MME: variants seen among roughly 807,000 people sequenced by gnomAD.
The protein encoded by MME is membrane metalloendopeptidase, also known as neprilysin.
In MME, 98 loss-of-function variants were observed where a neutral mutation model predicts 113.2. The ratio of observed to expected loss-of-function variants is 0.87; its 90% CI spans 0.74 to 1.02. The LOEUF is 1.02. Ranked by LOEUF, MME falls within the 50% of genes least tolerant of loss-of-function variation. The probability of loss-of-function intolerance (pLI) is 0.00; values close to 1 mark genes in which losing one functional copy is unlikely to be tolerated. For synonymous variants in MME, 292 were observed against 300.6 expected, an observed-to-expected ratio of 0.97 and a Z score of 0.30; for missense variants, 836 against 896.0, an observed-to-expected ratio of 0.93 and a Z score of 0.86.
intron 8 of MME, among the ~76,000 whole-genome samples, chr3:155,125,309 C>G (rs1266514854): frequency 2.6e-5 from 2 of 78,154 alleles, no homozygotes; most frequent in African/African-American, 6.7e-5. Context: ...TGGCCTGCGC[C>G]CACTGTCTGG....
intron 1 of MME, among the ~76,000 whole-genome samples, chr3:155,048,484 G>A (rs1713642679): frequency 1.3e-5 from 2 of 151,998 alleles, no homozygotes; most frequent in South Asian, 4.1e-4. Context: ...TGAGATTTTG[G>A]CATTTGTTTA....
At chr3:155,129,072 A>C (rs918061065) in intron 8 of MME, among the ~76,000 whole-genome samples, 1 of 152,178 alleles carries the variant, frequency 6.6e-6, no homozygotes, top group East Asian at 1.9e-4. Flanking sequence ...ACATTATTTT[A>C]TTGGAAATAA....
Position 155,118,828 on chromosome 3 carries a change from T to A in MME, c.720+17T>A, listed in dbSNP as rs201931193. The A allele has an allele frequency of 1.4e-6, 2 of 1,477,772 alleles. No individual in the cohort carries two copies. The highest frequency in any genetic ancestry group is 9.4e-7 in the Non-Finnish European group (1 of 1,064,756). 91.5% of individuals were successfully genotyped at this position (1,477,772 alleles called of 1,614,324 possible). ...TATAAAGAGGTAAAAAGAAAAAAAA[T>A]AATCAAAACCAAACTACAAAATGAT... On this transcript the variant is annotated intron_variant, in intron 8 of 22. Transcript: ENST00000360490.
chr3:155,180,279 G>A, intron 22 of MME, 81 bp from the exon 23 acceptor site: 1 of 988,304 alleles, frequency 1.0e-6, no homozygotes, highest in Admixed American at 1.7e-5. Flanking sequence ...TTGACCTGCA[G>A]AGGGAAATGC....
In MME at chr3:155,143,483, G is replaced by C. The variant is rs201238171; in HGVS notation, c.1229G>C (p.Arg410Pro). 6.2e-7 allele frequency: 1 copy of C among 1,612,686 alleles called. No individual in the cohort carries two copies. Among genetic ancestry groups the C allele is most frequent in the Non-Finnish European group, 8.5e-7 (1 of 1,178,956 alleles). The change falls in exon 13 of 23, where the codon CGT becomes CCT. Residue 410 changes from arginine to proline, a missense_variant. Coordinates refer to ENST00000360490, the MANE Select transcript of MME (RefSeq NM_007289.4). ...GTTSETATWR[R>P]CANYVNGNME... is the part of the protein sequence containing the mutation. ...ACCTCAGAAACAGCAACTTGGAGAC[G>C]TTGTGCAAACTATGTCAATGGGAAT...
At chr3:155,149,031 C>A (rs993970945) in intron 16 of MME, among the ~76,000 whole-genome samples, 1 of 152,044 alleles carries the variant, frequency 6.6e-6, no homozygotes, top group East Asian at 1.9e-4. Context: ...CTGCTGACAG[C>A]CCCACCTTTT....
chr3:155,059,887 C>G (rs1714077470), intron 1 of MME, among the ~76,000 whole-genome samples: 1 of 151,920 alleles, frequency 6.6e-6, no homozygotes, highest in Non-Finnish European at 1.5e-5. Flanking sequence ...ACATAATAAA[C>G]ACACAAATAA....
intron 3 of MME, among the ~76,000 whole-genome samples, chr3:155,103,149 T>A (rs1475909736): frequency 1.3e-5 from 2 of 152,236 alleles, no homozygotes; most frequent in Non-Finnish European, 2.9e-5. Context: ...CAATGTCTGG[T>A]TTTTGTCCAC....
At chr3:155,111,250 A>G (rs560922398) in intron 3 of MME, among the ~76,000 whole-genome samples, 2 of 152,204 alleles carry the variant, frequency 1.3e-5, no homozygotes, top group Non-Finnish European at 2.9e-5. Context: ...TAAGAGATTA[A>G]AGGAAGGTTG....
chr3:155,130,326 A>G (rs1046110298), intron 8 of MME, among the ~76,000 whole-genome samples: 40 of 152,156 alleles, frequency 2.6e-4, no homozygotes, highest in African/African-American at 9.7e-4. Context: ...TCCACAAAAC[A>G]TTTCTTTGAG....
intron 8 of MME, among the ~76,000 whole-genome samples, chr3:155,135,813 A>G (rs1169636310): frequency 6.6e-6 from 1 of 152,098 alleles, no homozygotes; most frequent in African/African-American, 2.4e-5. Context: ...TTCTTTCAGC[A>G]ATGTTTTGTA....
Position 155,037,649 on chromosome 3 carries a change from A to G in MME, c.-11+13325A>G, listed in dbSNP as rs142498459. Among the ~76,000 whole-genome samples, 308 of 152,344 alleles carry G rather than the reference A, an allele frequency of 2.0e-3. 1 individual carries two copies. Among genetic ancestry groups the G allele is most frequent in the African/African-American group, 6.9e-3 (288 of 41,586 alleles). Reference sequence around the variant, plus strand: ...TAAGGAAGGAGGCTGTAAAGAAGCAATGAGTGAAGGAAGACAACCGTGAGA... The same window carrying G: ...TAAGGAAGGAGGCTGTAAAGAAGCAGTGAGTGAAGGAAGACAACCGTGAGA... On this transcript the variant is annotated intron_variant, in intron 1 of 22. Coordinates refer to the MME transcript ENST00000492661.
At chr3:155,027,924 AC>A (rs1712840461) in intron 1 of MME, among the ~76,000 whole-genome samples, 1 of 152,224 alleles carries the variant, frequency 6.6e-6, no homozygotes. Context: ...TAATATTTTT[AC>A]TTTTCATCAG....
intron 1 of MME, among the ~76,000 whole-genome samples, chr3:155,070,381 A>G (rs1714512658): frequency 6.6e-6 from 1 of 152,234 alleles, no homozygotes; most frequent in South Asian, 2.1e-4. Context: ...AGTATACACC[A>G]GAAGCCACTA....
At chr3:155,097,634 T>A (rs1044490323) in intron 3 of MME, among the ~76,000 whole-genome samples, 1 of 152,132 alleles carries the variant, frequency 6.6e-6, no homozygotes, top group Admixed American at 6.5e-5. Flanking sequence ...GATGGCCTCC[T>A]CCTCCCCCTT....
At chr3:155,043,605 T>A (rs1456681240) in intron 1 of MME, among the ~76,000 whole-genome samples, 1 of 152,180 alleles carries the variant, frequency 6.6e-6, no homozygotes, top group African/African-American at 2.4e-5. Flanking sequence ...GTGCTGGGAT[T>A]ACAGGTGTGA....
chr3:155,037,790 G>C (rs1367841807), intron 1 of MME, among the ~76,000 whole-genome samples: 1 of 152,180 alleles, frequency 6.6e-6, no homozygotes, highest in African/African-American at 2.4e-5. Context: ...ATTGGATTTG[G>C]CAACAGAGGT....
chr3:155,064,499 G>A (rs1339761867), intron 1 of MME, among the ~76,000 whole-genome samples: 1 of 152,174 alleles, frequency 6.6e-6, no homozygotes, highest in Non-Finnish European at 1.5e-5. Context: ...TATACGAAAT[G>A]TGTGAAATAA....
chr3:155,116,045 C>T (rs371594055), intron 4 of MME, among the ~76,000 whole-genome samples: 22 of 152,098 alleles, frequency 1.4e-4, no homozygotes, highest in East Asian at 5.8e-4. Context: ...GGAGCATGAA[C>T]GGTACAGTCA....
Sources: allele counts gnomAD v4.1 joint callset (sites outside exome capture counted in the v4.1 genomes callset), GRCh38; gene constraint gnomAD v4.1.1; transcripts MANE v1.5; gene names NCBI Gene and HGNC (gene_info 2026-07-23, HGNC 2026-07-21).